The following TRERF1 variants were observed in gnomAD, a reference collection of about 807,000 sequenced individuals.
TRERF1 encodes transcriptional-regulating factor 1.
Under a neutral mutation model 122.9 loss-of-function variants are expected in TRERF1, and 27 were observed. The observed-to-expected ratio is 0.22, with a 90% CI of 0.16 to 0.30. TRERF1 has a LOEUF of 0.30. Among genes scored for constraint, TRERF1 ranks in the 10% least tolerant of loss-of-function variants. The pLI is 1.00. For missense variants in TRERF1, 1,248 were observed against 1,560.3 expected, an observed-to-expected ratio of 0.80 and a Z score of 3.37; for synonymous variants, 636 against 641.7, an observed-to-expected ratio of 0.99 and a Z score of 0.13.
At chr6:42,309,209 A>T (rs1787811619) in intron 3 of TRERF1, among the ~76,000 whole-genome samples, 2 of 152,214 alleles carry the variant, frequency 1.3e-5, no homozygotes, top group South Asian at 4.1e-4. Flanking sequence ...TGAATCCATA[A>T]TGACTGATAC....
chr6:42,408,252 T>C (rs1262935843), intron 2 of TRERF1, among the ~76,000 whole-genome samples: 10 of 90,572 alleles, frequency 1.1e-4, no homozygotes, highest in East Asian at 6.9e-4. Context: ...TATATATACA[T>C]ACACATGTGT....
At position 42,348,832 on chromosome 6, in the gene TRERF1, T is replaced by C. The variant is rs151337745; in HGVS notation, c.-371+14165A>G. Among the ~76,000 whole-genome samples, 5 of 152,024 alleles carry C rather than the reference T, an allele frequency of 3.3e-5. No individual in the cohort carries two copies. The East Asian group carries it at 9.7e-4, about 29-fold the overall frequency. The stretch of plus-strand genomic sequence containing the variant: ...GAACACTGCAATGGTGCTAAAGGAA[T>C]GGAAGGGAGGGAGCAGTGGGAAAGA... On this transcript the variant is annotated intron_variant, in intron 3 of 17. Transcript: ENST00000372922.
At chr6:42,395,742 C>T (rs1021897360) in intron 2 of TRERF1, among the ~76,000 whole-genome samples, 7 of 151,848 alleles carry the variant, frequency 4.6e-5, no homozygotes, top group Non-Finnish European at 8.8e-5. Flanking sequence ...GTTTCATGAG[C>T]GTATCTAAGC....
At chr6:42,236,460 T>C (rs1348361697) in intron 15 of TRERF1, 49 bp from the exon 16 acceptor site, 1 of 1,536,758 alleles carries the variant, frequency 6.5e-7, no homozygotes, top group East Asian at 2.4e-5. Context: ...CAAATGGCAT[T>C]CTTAGTGATG....
intron 3 of TRERF1, among the ~76,000 whole-genome samples, chr6:42,355,848 A>G (rs948672706): frequency 2.0e-5 from 3 of 152,066 alleles, no homozygotes; most frequent in Admixed American, 2.0e-4. Context: ...AAGTGTTCAG[A>G]AAAAAACACA....
At chr6:42,425,956 C>T (rs1176888997) in intron 2 of TRERF1, among the ~76,000 whole-genome samples, 4 of 152,238 alleles carry the variant, frequency 2.6e-5, no homozygotes, top group South Asian at 2.1e-4. Context: ...TTTCCCTGCA[C>T]GTGGGGAGCA....
intron 1 of TRERF1, among the ~76,000 whole-genome samples, chr6:42,451,848 C>T (rs1788607923): frequency 6.6e-6 from 1 of 151,914 alleles, no homozygotes; most frequent in African/African-American, 2.4e-5. Context: ...CCGGGCTGCG[C>T]GCGTGCATCC....
At chr6:42,383,231 GAAAAAC>G (rs1156278630) in intron 2 of TRERF1, among the ~76,000 whole-genome samples, 2 of 151,964 alleles carry the variant, frequency 1.3e-5, no homozygotes, top group East Asian at 1.9e-4. Context: ...ACCTTGTCTT[GAAAAAC>G]AAAAACAAAA....
At chr6:42,297,185 T>C (rs904555537) in intron 4 of TRERF1, among the ~76,000 whole-genome samples, 31 of 152,198 alleles carry the variant, frequency 2.0e-4, no homozygotes, top group South Asian at 8.3e-4. Context: ...CTCCTGACTA[T>C]TGTGGAGAAG....
intron 2 of TRERF1, among the ~76,000 whole-genome samples, chr6:42,374,887 T>G (rs1391765031): frequency 1.3e-5 from 2 of 151,658 alleles, no homozygotes; most frequent in African/African-American, 4.9e-5. Flanking sequence ...GGCGTGCACC[T>G]GTGGTCCCAG....
chr6:42,255,169 A>C (rs1005578044), intron 12 of TRERF1, among the ~76,000 whole-genome samples: 2 of 152,174 alleles, frequency 1.3e-5, no homozygotes, highest in African/African-American at 4.8e-5. Flanking sequence ...AGGAAAACAG[A>C]ACGACCTGAC....
intron 4 of TRERF1, among the ~76,000 whole-genome samples, chr6:42,274,415 C>T (rs139850977): frequency 1.8e-3 from 269 of 152,314 alleles, no homozygotes; most frequent in African/African-American, 6.2e-3. Flanking sequence ...TGGCTCAAGC[C>T]TGTAATCCTA....
At position 42,259,622 on chromosome 6, in the gene TRERF1, G is replaced by A. The variant is rs760847202; in HGVS notation, c.1986C>T (p.Phe662=). 20 of 1,613,650 alleles carry A rather than the reference G, an allele frequency of 1.2e-5. No individual in the cohort carries two copies. Among genetic ancestry groups the A allele is most frequent in the Admixed American group, 8.3e-5 (5 of 60,012 alleles). ...GGTTGTAGGAGGGCGGCGGCGGGAT[G>A]AAGAGAGGTTCCGGCCGGTGCCGGA... Residue 662 remains phenylalanine (F), a synonymous_variant, in exon 9 of 18, where the codon TTC becomes TTT. Transcript: ENST00000372922. The surrounding 1 kb of genome is among the most constrained non-coding windows in gnomAD (Gnocchi z 4.9).
exon 18 of TRERF1, chr6:42,227,937 A>G (rs1769772163): frequency 6.3e-6 from 1 of 157,564 alleles, no homozygotes; most frequent in African/African-American, 2.4e-5. Context: ...TGATGGGAAA[A>G]GTTGGCCCCA....
At chr6:42,277,562 T>C (rs1781372648) in intron 4 of TRERF1, among the ~76,000 whole-genome samples, 1 of 152,120 alleles carries the variant, frequency 6.6e-6, no homozygotes, top group Non-Finnish European at 1.5e-5. Flanking sequence ...AGAAGAGCAT[T>C]GGAAAAAGCT....
intron 4 of TRERF1, among the ~76,000 whole-genome samples, chr6:42,294,967 T>C (rs1416794286): frequency 6.6e-6 from 1 of 151,412 alleles, no homozygotes; most frequent in African/African-American, 2.4e-5. Flanking sequence ...GAAGGATGAA[T>C]CATGATCAGG....
At chr6:42,399,907 G>A (rs1218925780) in intron 2 of TRERF1, among the ~76,000 whole-genome samples, 2 of 151,862 alleles carry the variant, frequency 1.3e-5, no homozygotes, top group Admixed American at 1.3e-4. Context: ...AGTCACTTTT[G>A]TTGCCCACCA....
intron 2 of TRERF1, among the ~76,000 whole-genome samples, chr6:42,396,573 G>A (rs888638979): frequency 2.0e-5 from 3 of 152,186 alleles, no homozygotes; most frequent in Non-Finnish European, 2.9e-5. Flanking sequence ...GCTGATGCAG[G>A]TAGTAGTGAA....
chr6:42,375,726 C>T (rs758865753), intron 2 of TRERF1, among the ~76,000 whole-genome samples: 2 of 152,002 alleles, frequency 1.3e-5, no homozygotes, highest in African/African-American at 4.8e-5. Context: ...TTGAAGACTG[C>T]GGCTGTGATT....
Sources: gnomAD v4.1 joint callset for allele counts (sites outside exome capture counted in the v4.1 genomes callset) on GRCh38, gnomAD v4.1.1 for gene constraint, Gnocchi (gnomAD v3.1) non-coding constraint, MANE v1.5 for transcripts, NCBI Gene and HGNC (gene_info 2026-07-23, HGNC 2026-07-21) for gene names.